The following ST6GALNAC3 variants were observed in gnomAD, a reference collection of about 807,000 sequenced individuals.
ST6GALNAC3 encodes the protein alpha-N-acetylgalactosaminide alpha-2,6-sialyltransferase 3.
A neutral mutation model predicts 32.7 loss-of-function variants in ST6GALNAC3; 25 were observed. That is an observed-to-expected ratio of 0.76 (90% CI 0.56 to 1.07). The LOEUF (loss-of-function observed/expected upper bound fraction) is 1.07, where lower values mean the gene tolerates loss of function less well. ST6GALNAC3 is among the 50% of genes least tolerant of loss of function. The pLI is 0.00. For synonymous variants in ST6GALNAC3, 129 were observed against 133.1 expected, an observed-to-expected ratio of 0.97 and a Z score of 0.21; for missense variants, 355 against 382.4, an observed-to-expected ratio of 0.93 and a Z score of 0.60.
chr1:76,233,390 G>A (rs1291926774), intron 1 of ST6GALNAC3, among the ~76,000 whole-genome samples: 2 of 152,100 alleles, frequency 1.3e-5, no homozygotes, highest in Non-Finnish European at 2.9e-5. Flanking sequence ...AACATGCTTC[G>A]ACCTAAAGAA....
intron 1 of ST6GALNAC3, among the ~76,000 whole-genome samples, chr1:76,193,934 C>T (rs780024888): frequency 6.6e-6 from 1 of 152,116 alleles, no homozygotes; most frequent in Admixed American, 6.6e-5. Flanking sequence ...GACCAGGTCC[C>T]CACACTTCTG....
intron 3 of ST6GALNAC3, chr1:76,413,085 A>G: frequency 4.1e-6 from 1 of 243,266 alleles, no homozygotes; most frequent in Non-Finnish European, 8.6e-6. Context: ...GCATTCTGTA[A>G]ACTACACTTC....
chr1:76,576,009 G>A (rs7513970), intron 3 of ST6GALNAC3, among the ~76,000 whole-genome samples: 59,332 of 151,578 alleles, frequency 0.39, 13,060 homozygotes, highest in African/African-American at 0.61. Context: ...GGAGGAACAC[G>A]GCACCCCATA....
chr1:76,306,524 T>G (rs533053806), intron 1 of ST6GALNAC3, among the ~76,000 whole-genome samples: 2 of 152,122 alleles, frequency 1.3e-5, no homozygotes, highest in Admixed American at 1.3e-4. Context: ...TATAGTCCAG[T>G]AAGAATTACA....
chr1:76,599,708 C>A (rs967547435), intron 3 of ST6GALNAC3, among the ~76,000 whole-genome samples: 2 of 141,732 alleles, frequency 1.4e-5, no homozygotes, highest in African/African-American at 5.3e-5. Flanking sequence ...ATTCCTCCCA[C>A]TACCGTATCG....
intron 3 of ST6GALNAC3, among the ~76,000 whole-genome samples, chr1:76,448,816 C>G (rs1244305632): frequency 6.6e-6 from 1 of 152,064 alleles, no homozygotes; most frequent in South Asian, 2.1e-4. Context: ...AAAGCTTTTT[C>G]CTATATAAAT....
chr1:76,518,675 C>A (rs555537517), intron 3 of ST6GALNAC3, among the ~76,000 whole-genome samples: 19 of 152,168 alleles, frequency 1.2e-4, no homozygotes, highest in African/African-American at 4.3e-4. Context: ...CTGCCCCTTC[C>A]TGTGTTTTGT....
At chr1:76,120,884 G>A (rs12408918) in intron 1 of ST6GALNAC3, among the ~76,000 whole-genome samples, 3,898 of 152,236 alleles carry the variant, frequency 0.026, 121 homozygotes, top group Admixed American at 0.073. Flanking sequence ...TCTAATGTGG[G>A]TCAGCTGGGC....
chr1:76,219,255 C>A (rs1382147025), intron 1 of ST6GALNAC3, among the ~76,000 whole-genome samples: 1 of 152,208 alleles, frequency 6.6e-6, no homozygotes, highest in Non-Finnish European at 1.5e-5. Context: ...TCTGCTTCTG[C>A]TACCTCCTTC....
chr1:76,098,879 T>G (rs1477122226), intron 1 of ST6GALNAC3, among the ~76,000 whole-genome samples: 1 of 152,138 alleles, frequency 6.6e-6, no homozygotes, highest in Non-Finnish European at 1.5e-5. Context: ...TTTAGCATAT[T>G]AATGTCTAGA....
At chr1:76,430,041 T>G (rs1481628760) in intron 3 of ST6GALNAC3, among the ~76,000 whole-genome samples, 6 of 152,340 alleles carry the variant, frequency 3.9e-5, no homozygotes, top group African/African-American at 1.2e-4. Flanking sequence ...TTTAGGCATT[T>G]TCTGTGTGAA....
intron 3 of ST6GALNAC3, among the ~76,000 whole-genome samples, chr1:76,573,165 C>G (rs779626230): frequency 1.3e-5 from 2 of 152,026 alleles, no homozygotes; most frequent in Non-Finnish European, 2.9e-5. Context: ...CATGTCTTTT[C>G]CAGGGGGCAT....
At chr1:76,323,895 T>C (rs893952147) in intron 2 of ST6GALNAC3, among the ~76,000 whole-genome samples, 9 of 152,202 alleles carry the variant, frequency 5.9e-5, no homozygotes, top group Non-Finnish European at 8.8e-5. Flanking sequence ...AGTCTCATTC[T>C]ATAGCCCAAG....
chr1:76,430,774 A>G (rs1266013850), intron 3 of ST6GALNAC3, among the ~76,000 whole-genome samples: 1 of 152,162 alleles, frequency 6.6e-6, no homozygotes, highest in African/African-American at 2.4e-5. Context: ...CTCTCTGTGC[A>G]GAGTTCTCAG....
chr1:76,532,721 T>C (rs1663336255), intron 3 of ST6GALNAC3, among the ~76,000 whole-genome samples: 1 of 152,166 alleles, frequency 6.6e-6, no homozygotes, highest in South Asian at 2.1e-4. Flanking sequence ...GTTCAGTTGT[T>C]TCTTTACATC....
intron 3 of ST6GALNAC3, among the ~76,000 whole-genome samples, chr1:76,516,897 T>A (rs576916387): frequency 6.6e-6 from 1 of 152,128 alleles, no homozygotes; most frequent in South Asian, 2.1e-4. Flanking sequence ...CTCCTAGTTA[T>A]CTTTTAACTT....
chr1:76,106,006 C>G (rs1449868335), intron 1 of ST6GALNAC3, among the ~76,000 whole-genome samples: 1 of 152,160 alleles, frequency 6.6e-6, no homozygotes, highest in African/African-American at 2.4e-5. Context: ...GGTATTTGCT[C>G]TGCTATTTAT....
intron 2 of ST6GALNAC3, among the ~76,000 whole-genome samples, chr1:76,321,356 C>A (rs114138042): frequency 6.2e-4 from 94 of 152,144 alleles, no homozygotes; most frequent in African/African-American, 2.1e-3. Context: ...ATGTGAAGAC[C>A]CAGACAACAC....
In ST6GALNAC3 at chr1:76,481,540, C is replaced by T. The variant is rs1659724406; in HGVS notation, c.623+69123C>T. ...CTTGACTCTCTTTGGTTCAGCTCCA[C>T]ATTCTGGAGTTTCTTTCAAATGGAG... On this transcript the variant is annotated intron_variant, in intron 3 of 4. Transcript: ENST00000328299. Among the ~76,000 whole-genome samples the T allele has an allele frequency of 4.6e-5, 7 of 152,290 alleles. No individual in the cohort carries two copies. In the South Asian group the frequency reaches 1.4e-3, roughly 32 times the overall value.
Sources: allele counts gnomAD v4.1 joint callset (sites outside exome capture counted in the v4.1 genomes callset), GRCh38; gene constraint gnomAD v4.1.1; transcripts MANE v1.5; gene names NCBI Gene and HGNC (gene_info 2026-07-23, HGNC 2026-07-21).